Variants in CYFIP1 observed in about 807,000 individuals in gnomAD.
CYFIP1 encodes cytoplasmic FMR1 interacting protein 1.
In CYFIP1, 58 loss-of-function variants were observed where a neutral mutation model predicts 163.5. That is an observed-to-expected ratio of 0.35 (90% CI 0.29 to 0.44). The LOEUF (loss-of-function observed/expected upper bound fraction) is 0.44, where lower values mean the gene tolerates loss of function less well. Among genes scored for constraint, CYFIP1 ranks in the 20% least tolerant of loss-of-function variants. The pLI is 1.00. For missense variants in CYFIP1, 1,338 were observed against 1,653.8 expected, an observed-to-expected ratio of 0.81 and a Z score of 3.31; for synonymous variants, 663 against 660.7, an observed-to-expected ratio of 1.00 and a Z score of -0.05.
intron 17 of CYFIP1, among the ~76,000 whole-genome samples, chr15:22,912,904 G>C (rs1174215818): frequency 6.6e-6 from 1 of 152,108 alleles, no homozygotes; most frequent in African/African-American, 2.4e-5. Flanking sequence ...CTGTGTGACA[G>C]AGTGAGACCC....
At chr15:22,968,287 T>C (rs1378070367) in intron 1 of CYFIP1, among the ~76,000 whole-genome samples, 3 of 152,220 alleles carry the variant, frequency 2.0e-5, no homozygotes, top group Non-Finnish European at 4.4e-5. Flanking sequence ...GCTATGAAAG[T>C]ACTTTTTAGA....
intron 11 of CYFIP1, among the ~76,000 whole-genome samples, chr15:22,931,686 GAAAAAAAAAAAAA>G (rs766177290): frequency 2.5e-5 from 1 of 39,720 alleles, no homozygotes; most frequent in Non-Finnish European, 4.5e-5. Context: ...ATGTTTTTCT[GAAAAAAAAAAAAA>G]AAAAAAAAAA....
At chr15:22,875,010 A>G (rs1458134842) in intron 27 of CYFIP1, among the ~76,000 whole-genome samples, 189 bp downstream of exon 27, 1 of 152,144 alleles carries the variant, frequency 6.6e-6, no homozygotes, top group African/African-American at 2.4e-5. Context: ...CTAAGACATC[A>G]TATCATTGCA....
At chr15:22,980,549 G>A (rs2063452426), upstream of CYFIP1, among the ~76,000 whole-genome samples, 1 of 151,918 alleles carries the variant, frequency 6.6e-6, no homozygotes, top group Non-Finnish European at 1.5e-5. Flanking sequence ...GTCCTCCCAG[G>A]CAGAGAGCCC....
chr15:22,926,738 G>A (rs2061368819), intron 12 of CYFIP1, among the ~76,000 whole-genome samples: 1 of 152,122 alleles, frequency 6.6e-6, no homozygotes, highest in Non-Finnish European at 1.5e-5. Flanking sequence ...AAAATGCAGG[G>A]CGTGAAGCGA....
chr15:22,931,388 CA>C (rs2061532000), intron 11 of CYFIP1, among the ~76,000 whole-genome samples: 1 of 152,066 alleles, frequency 6.6e-6, no homozygotes, highest in South Asian at 2.1e-4. Flanking sequence ...AAAGAGAAAG[CA>C]CCTGTTCTCT....
intron 23 of CYFIP1, among the ~76,000 whole-genome samples, chr15:22,892,657 C>A (rs375931963): frequency 6.6e-6 from 1 of 152,182 alleles, no homozygotes; most frequent in Non-Finnish European, 1.5e-5. Flanking sequence ...AGAGCTGTCC[C>A]AACACTACGT....
At chr15:22,954,108 C>A (rs6606805) in intron 1 of CYFIP1, among the ~76,000 whole-genome samples, 3 of 152,010 alleles carry the variant, frequency 2.0e-5, no homozygotes, top group Admixed American at 6.5e-5. Flanking sequence ...GTCTCTGCTC[C>A]TTCAGCTCGT....
chr15:22,910,439 C>G lies in CYFIP1; in HGVS notation c.2268+81G>C, dbSNP rs142270292. On this transcript the variant is annotated intron_variant, in intron 20 of 30. Coordinates refer to ENST00000617928, the MANE Select transcript of CYFIP1 (RefSeq NM_014608.6). ...GGCCTCCCAGTGTTGGGATTACAGG[C>G]GTGAGCCACCGCACCCAGCCGAAAA... 103 of 1,163,406 alleles carry G rather than the reference C, an allele frequency of 8.9e-5. No individual in the cohort carries two copies. The African/African-American group carries it at 1.4e-3, about 16-fold the overall frequency. The allele number at this position is 1,163,406 out of a possible 1,614,324, so 72.1% of individuals were successfully genotyped here. A position where few individuals can be genotyped will look rare whatever the true frequency, so the allele number is the denominator to read the frequency against.
intron 21 of CYFIP1, among the ~76,000 whole-genome samples, chr15:22,905,961 A>G (rs983897803): frequency 4.6e-5 from 7 of 151,036 alleles, no homozygotes; most frequent in African/African-American, 1.5e-4. Context: ...GGGTTTCACC[A>G]TGTTAGCCAG....
At chr15:22,949,119 G>A (rs555866918) in intron 1 of CYFIP1, among the ~76,000 whole-genome samples, 4 of 152,114 alleles carry the variant, frequency 2.6e-5, no homozygotes, top group African/African-American at 7.2e-5. Flanking sequence ...GACACATCAC[G>A]GTCAAACTGC....
At position 22,890,299 on chromosome 15, in the gene CYFIP1, G is replaced by A. The variant is rs1241540962; in HGVS notation, c.2676+2591C>T. Among the ~76,000 whole-genome samples, 8 of 142,428 alleles carry A rather than the reference G, an allele frequency of 5.6e-5. No individual in the cohort carries two copies. The South Asian group carries it at 8.8e-4, about 16-fold the overall frequency. 93.4% of individuals were successfully genotyped at this position (142,428 alleles called of 152,430 possible). Reference sequence around the variant, plus strand: ...GCACTCCATCCTAGGTGATAGAGGAGACTCCATCTCAAAAAAAAAAAAAAA... The same window carrying A: ...GCACTCCATCCTAGGTGATAGAGGAAACTCCATCTCAAAAAAAAAAAAAAA... On this transcript the variant is annotated intron_variant, in intron 23 of 30. Transcript: ENST00000617928.
At chr15:22,956,730 C>T (rs1396339251) in intron 1 of CYFIP1, among the ~76,000 whole-genome samples, 1 of 152,182 alleles carries the variant, frequency 6.6e-6, no homozygotes, top group African/African-American at 2.4e-5. Context: ...ACTGCCGCCC[C>T]GAGACAGCAG....
chr15:22,927,821 T>TA (rs992487312), intron 12 of CYFIP1, 85 bp downstream of exon 12: 2 of 1,401,850 alleles, frequency 1.4e-6, no homozygotes, highest in African/African-American at 3.0e-5. Context: ...GGGCCAAAGA[T>TA]AAAAAGCCCA....
intron 29 of CYFIP1, among the ~76,000 whole-genome samples, chr15:22,873,211 C>T (rs2278458): frequency 0.13 from 19,413 of 151,994 alleles, 2,506 homozygotes; most frequent in East Asian, 0.35. Context: ...GATCATATCC[C>T]CTCTGTGATG....
chr15:22,935,545 T>C (rs542548602), intron 9 of CYFIP1, among the ~76,000 whole-genome samples: 46 of 152,230 alleles, frequency 3.0e-4, no homozygotes, highest in African/African-American at 1.0e-3. Flanking sequence ...AATGAAAAGA[T>C]TCATATATGA....
At position 22,914,806 on chromosome 15, in the gene CYFIP1, C is replaced by A; in HGVS notation, c.1905G>T (p.Arg635Ser). Residue 635 changes from arginine to serine, a missense_variant, in exon 17 of 31, where the codon AGG becomes AGT. Around this residue, in one of 4 missense-constraint regions of CYFIP1, gnomAD observed 824 missense variants for 995.7 expected, o/e 0.83. Transcript: ENST00000617928. ...TCGACATCTCAATGGGGAACTGGAT[C>A]CTCCTGCCCATGGTCAGCTCCAGGA... ...EFFLELTMGR[R>S]IQFPIEMSMP... The A allele has an allele frequency of 6.2e-7, 1 of 1,613,928 alleles. No homozygotes were observed. Among genetic ancestry groups the A allele is most frequent in the Non-Finnish European group, 8.5e-7 (1 of 1,179,894 alleles).
At chr15:22,914,034 C>T (rs551472337) in intron 17 of CYFIP1, among the ~76,000 whole-genome samples, 1 of 152,352 alleles carries the variant, frequency 6.6e-6, no homozygotes, top group South Asian at 2.1e-4. Flanking sequence ...CAAACACTTT[C>T]CCTTCCATGA....
At chr15:22,959,608 T>A (rs2062606950) in intron 1 of CYFIP1, among the ~76,000 whole-genome samples, 1 of 152,204 alleles carries the variant, frequency 6.6e-6, no homozygotes, top group South Asian at 2.1e-4. Flanking sequence ...ATTCCACCGC[T>A]GGCCATTCTG....
Sources: allele counts gnomAD v4.1 joint callset (sites outside exome capture counted in the v4.1 genomes callset), GRCh38; gene constraint gnomAD v4.1.1; regional missense constraint gnomAD v4.1.1; transcripts MANE v1.5; gene names NCBI Gene and HGNC (gene_info 2026-07-23, HGNC 2026-07-21).